The following PEAR1 variants were observed in gnomAD, a reference collection of about 807,000 sequenced individuals.
The protein encoded by PEAR1 is platelet endothelial aggregation receptor 1.
A neutral mutation model predicts 131.2 loss-of-function variants in PEAR1; 113 were observed. That is an observed-to-expected ratio of 0.86 (90% CI 0.74 to 1.01). The LOEUF is 1.01. PEAR1 is among the 50% of genes least tolerant of loss of function. The pLI is 0.00. For missense variants in PEAR1, 1,408 were observed against 1,391.1 expected (o/e 1.01, Z -0.19); for synonymous variants, 565 against 523.3 (o/e 1.08, Z -1.09).
chr1:156,906,943 TG>T, intron 6 of PEAR1, 63 bp downstream of exon 6: 1 of 1,541,420 alleles, frequency 6.5e-7, no homozygotes, highest in Non-Finnish European at 8.7e-7. Context: ...CAGATCTATG[TG>T]GGGAAATGAG....
Position 156,912,360 on chromosome 1 carries a change from C to T in PEAR1, c.2065C>T (p.His689Tyr), listed in dbSNP as rs772998210. ...SCICPLGWTG[H>Y]HCLEGCPLGT... ...TATCTGCCCCCTAGGCTGGACTGGA[C>T]ACCACTGCTTAGAAGGTACCAACAG... is the stretch of plus-strand genomic sequence containing the variant. Residue 689 changes from histidine (H) to tyrosine (Y), a missense_variant, in exon 16 of 23, where the codon CAC becomes TAC. Transcript: ENST00000292357. The T allele has an allele frequency of 1.9e-6, 3 of 1,613,688 alleles. No individual in the cohort carries two copies. The highest frequency in any genetic ancestry group is 2.2e-5 in the South Asian group (2 of 91,034).
At position 156,910,284 on chromosome 1, in the gene PEAR1, A is replaced by G; in HGVS notation, c.1729A>G (p.Ser577Gly). ...CPEGLWGVNC[S>G]NTCTCKNGGT... is the part of the protein sequence containing the mutation. ...TGAGGGCTTATGGGGAGTCAACTGT[A>G]GCAACACCTGCACCTGCAAGAATGG... is the stretch of plus-strand genomic sequence containing the variant. The change falls in exon 14 of 23, where the codon AGC (serine) becomes GGC (glycine). Residue 577 changes from serine to glycine, a missense_variant. Ser to Gly is a moderately conservative substitution (Grantham distance 56). Coordinates refer to ENST00000292357, the MANE Select transcript of PEAR1 (RefSeq NM_001080471.3). The G allele has an allele frequency of 6.2e-7, 1 of 1,613,560 alleles. No homozygotes were observed.
At position 156,904,748 on chromosome 1, in the gene PEAR1, C is replaced by T. The variant is rs1249488544; in HGVS notation, c.102C>T (p.Ser34=). ...CCTGACCCTGTTCCCTGTCTTGCAG[C>T]TTCACTACCACCACCAAGGAGTCCC... ...SDPNTCSFWE[S]FTTTTKESHS... The change falls in exon 3 of 23, where the codon AGC becomes AGT. Residue 34 remains serine (S), a splice_region_variant and synonymous_variant. Transcript: ENST00000292357. 6.2e-7 allele frequency: 1 copy of T among 1,609,490 alleles called. No individual in the cohort carries two copies. The highest frequency in any genetic ancestry group is 1.3e-5 in the African/African-American group (1 of 74,908).
At chr1:156,906,228 G>A in intron 4 of PEAR1, 48 bp from the exon 5 acceptor site, 1 of 1,564,548 alleles carries the variant, frequency 6.4e-7, no homozygotes, top group Non-Finnish European at 8.8e-7. Context: ...ATAAAAGCTG[G>A]GTAGGGGCAG....
chr1:156,895,810 G>T (rs1261785401), intron 1 of PEAR1, among the ~76,000 whole-genome samples: 1 of 152,254 alleles, frequency 6.6e-6, no homozygotes, highest in Non-Finnish European at 1.5e-5. Flanking sequence ...ACCAGGCGAG[G>T]TGGCTCACGC....
rs779630798 is a variant in PEAR1 at position 156,914,699 on chromosome 1, C to T, written c.3015C>T (p.Gly1005=). Residue 1005 remains glycine (G), a synonymous_variant, in exon 23 of 23, where the codon GGC becomes GGT. Coordinates refer to ENST00000292357, the MANE Select transcript of PEAR1 (RefSeq NM_001080471.3). ...CTCTGCCTCCGGGCCTACCCCCCGG[C>T]CACTATGACTCACCCAAGAACAGCC... ...QPPLPPGLPP[G]HYDSPKNSHI... The T allele has an allele frequency of 1.2e-6, 2 of 1,613,836 alleles. No homozygotes were observed. The highest frequency in any genetic ancestry group is 2.2e-5 in the East Asian group (1 of 44,882).
chr1:156,905,086 G>T lies in PEAR1; in HGVS notation c.206+234G>T, dbSNP rs561675272. On this transcript the variant is annotated intron_variant, in intron 3 of 22. Transcript: ENST00000292357. ...TACAGTATATGCCTGTGGGGTTGGGGGGGGGGCAAGAAGGGAATGCTCTTT... is the reference window on the plus strand; with the variant it reads ...TACAGTATATGCCTGTGGGGTTGGGTGGGGGGCAAGAAGGGAATGCTCTTT... 3.1e-4 allele frequency: 417 copies of T among 1,365,454 alleles called. 4 individuals carry two copies. Among genetic ancestry groups the T allele is most frequent in the Middle Eastern group, 1.1e-3 (6 of 5,398 alleles). 84.6% of individuals were successfully genotyped at this position (1,365,454 alleles called of 1,614,324 possible). A position where few individuals can be genotyped will look rare whatever the true frequency, so the allele number is the denominator to read the frequency against.
rs1256938801 is a variant in PEAR1, at chr1:156,910,343, G to T, written c.1788G>T (p.Val596=). The part of the protein sequence containing the change: ...GTCLPENGNC[V]CAPGFRGPSC... ...GTCTCCCTGAGAATGGCAACTGCGTGTGTGCACCCGGATTCCGGGGCCCCT... is the reference window on the plus strand; with the variant it reads ...GTCTCCCTGAGAATGGCAACTGCGTTTGTGCACCCGGATTCCGGGGCCCCT... The change falls in exon 14 of 23, where the codon GTG becomes GTT. Residue 596 remains valine, a synonymous_variant. Transcript: ENST00000292357. 6 of 1,609,670 alleles carry T rather than the reference G, an allele frequency of 3.7e-6. No homozygotes were observed. The highest frequency in any genetic ancestry group is 5.1e-6 in the Non-Finnish European group (6 of 1,177,868).
chr1:156,911,080 T>TC (rs762617309), intron 15 of PEAR1, among the ~76,000 whole-genome samples: 9 of 138,228 alleles, frequency 6.5e-5, no homozygotes, highest in South Asian at 4.6e-4. Context: ...TTTCTTTCTT[T>TC]CTTTCTTTCT....
At chr1:156,907,889 G>A in intron 7 of PEAR1, 26 bp from the exon 8 acceptor site, 2 of 1,595,904 alleles carry the variant, frequency 1.3e-6, no homozygotes, top group Non-Finnish European at 1.7e-6. Flanking sequence ...GGTGCCTGGG[G>A]CCCTGTTGAC....
At chr1:156,910,788 G>T (rs1650981125) in intron 15 of PEAR1, 45 bp downstream of exon 15, 2 of 1,608,134 alleles carry the variant, frequency 1.2e-6, no homozygotes, top group East Asian at 2.2e-5. Context: ...ATGCTGAGAG[G>T]GGGTGCTGAG....
intron 1 of PEAR1, among the ~76,000 whole-genome samples, chr1:156,901,547 T>A (rs1034302954): frequency 4.6e-5 from 7 of 152,170 alleles, no homozygotes; most frequent in Admixed American, 3.3e-4. Flanking sequence ...TGTGAACAGA[T>A]CCAGGGCAGA....
rs767202153 is a variant in PEAR1 at position 156,913,730 on chromosome 1, A to G, written c.2683A>G (p.Ser895Gly). ...GGACCGAAGCTACAGCTATAGCTAC[A>G]GCAATGGCCCAGGCCCATTCTACAA... The part of the protein sequence containing the change: ...RLDRSYSYSY[S>G]NGPGPFYNKG... Residue 895 changes from serine (S) to glycine (G), a missense_variant, in exon 21 of 23, where the codon AGC becomes GGC. Ser to Gly is a moderately conservative substitution (Grantham distance 56, BLOSUM62 0). Transcript: ENST00000292357. 32 of 1,614,000 alleles carry G rather than the reference A, an allele frequency of 2.0e-5. No individual in the cohort carries two copies. Among genetic ancestry groups the G allele is most frequent in the Non-Finnish European group, 2.6e-5 (31 of 1,180,024 alleles).
intron 21 of PEAR1, 36 bp from the exon 22 acceptor site, chr1:156,913,816 C>T: frequency 6.2e-7 from 1 of 1,610,836 alleles, no homozygotes; most frequent in African/African-American, 1.3e-5. Flanking sequence ...GGAACCAGTG[C>T]CTCCATGCGG....
chr1:156,909,718 TC>T (rs746159889), intron 11 of PEAR1, 32 bp from the exon 12 acceptor site: 6 of 1,568,076 alleles, frequency 3.8e-6, no homozygotes, highest in Non-Finnish European at 5.2e-6. Context: ...GGGAAATGGG[TC>T]CCCATACCTA....
At chr1:156,898,227 T>C (rs1649350398) in intron 1 of PEAR1, among the ~76,000 whole-genome samples, 2 of 152,120 alleles carry the variant, frequency 1.3e-5, no homozygotes, top group Admixed American at 1.3e-4. Flanking sequence ...CAACACCCTC[T>C]GGGAGGGGTG....
rs141857901 is a variant in PEAR1, at chr1:156,913,402, G to T, written c.2523G>T (p.Pro841=). The T allele has an allele frequency of 1.3e-6, 2 of 1,598,994 alleles. No individual in the cohort carries two copies. Among genetic ancestry groups the T allele is most frequent in the Non-Finnish European group, 1.7e-6 (2 of 1,179,696 alleles). Residue 841 remains proline (P), a synonymous_variant, in exon 20 of 23, where the codon CCG becomes CCT. Coordinates refer to ENST00000292357, the MANE Select transcript of PEAR1 (RefSeq NM_001080471.3). Reference sequence around the variant, plus strand: ...CTGTCCCCTCTTAGGTTCCAGGCCCGCTCTTTGCCAGCCTGCAGAACCCTG... The same window carrying T: ...CTGTCCCCTCTTAGGTTCCAGGCCCTCTCTTTGCCAGCCTGCAGAACCCTG... The part of the protein sequence containing the change: ...NPPPPNKVPG[P]LFASLQNPER...
intron 1 of PEAR1, 138 bp downstream of exon 1, chr1:156,893,975 G>A (rs1241176039): frequency 6.6e-6 from 1 of 152,536 alleles, no homozygotes; most frequent in Non-Finnish European, 1.5e-5. Flanking sequence ...CAGGAGTGTA[G>A]AAAAGAGGGA....
chr1:156,910,510 C>G (rs1650939673), intron 14 of PEAR1, 108 bp from the exon 15 acceptor site: 8 of 1,553,460 alleles, frequency 5.1e-6, no homozygotes, highest in Non-Finnish European at 6.1e-6. Context: ...TCCTCTGACC[C>G]GTCTTCAGAC....
Sources: allele counts gnomAD v4.1 joint callset (sites outside exome capture counted in the v4.1 genomes callset), GRCh38; gene constraint gnomAD v4.1.1; transcripts MANE v1.5; gene names NCBI Gene and HGNC (gene_info 2026-07-23, HGNC 2026-07-21).